The following EFNA5 variants were observed in gnomAD, a reference collection of about 807,000 sequenced individuals.
The protein encoded by EFNA5 is ephrin-A5.
EFNA5 carries 5 observed loss-of-function variants against 22.9 expected under a neutral mutation model. The observed-to-expected ratio is 0.22, with a 90% CI of 0.11 to 0.46. The LOEUF (loss-of-function observed/expected upper bound fraction) is 0.46. EFNA5 is among the 20% of genes least tolerant of loss of function. EFNA5 has a pLI of 0.99. For missense variants in EFNA5, 237 were observed against 293.3 expected, an observed-to-expected ratio of 0.81 and a Z score of 1.40; for synonymous variants, 113 against 112.2, an observed-to-expected ratio of 1.01 and a Z score of -0.04.
At chr5:107,525,687 T>A (rs1747681421) in intron 1 of EFNA5, among the ~76,000 whole-genome samples, 1 of 152,180 alleles carries the variant, frequency 6.6e-6, no homozygotes, top group Admixed American at 6.5e-5. Context: ...ATTCTCATCA[T>A]CTTCATCATG....
chr5:107,586,871 CA>C (rs1388975232), intron 1 of EFNA5, among the ~76,000 whole-genome samples: 1 of 152,124 alleles, frequency 6.6e-6, no homozygotes, highest in Non-Finnish European at 1.5e-5. Flanking sequence ...ACTGCCTTAC[CA>C]AAGAATACTT....
chr5:107,526,679 T>C (rs925985197), intron 1 of EFNA5, among the ~76,000 whole-genome samples: 3 of 152,238 alleles, frequency 2.0e-5, no homozygotes, highest in Non-Finnish European at 4.4e-5. Context: ...AAGTACATTA[T>C]TTTATTCTAA....
intron 1 of EFNA5, among the ~76,000 whole-genome samples, chr5:107,541,952 T>A (rs979516679): frequency 6.6e-6 from 1 of 152,198 alleles, no homozygotes; most frequent in Admixed American, 6.5e-5. Flanking sequence ...ATCTGTGTTG[T>A]TGAAGAATAA....
At chr5:107,549,006 G>C (rs1413606624) in intron 1 of EFNA5, among the ~76,000 whole-genome samples, 1 of 152,164 alleles carries the variant, frequency 6.6e-6, no homozygotes, top group Non-Finnish European at 1.5e-5. Context: ...TTACAATTGT[G>C]TAATTGATTT....
chr5:107,561,654 C>T (rs1748546830), intron 1 of EFNA5, among the ~76,000 whole-genome samples: 1 of 152,118 alleles, frequency 6.6e-6, no homozygotes, highest in Admixed American at 6.5e-5. Flanking sequence ...AGGTGTGAGC[C>T]ACTGCACCTG....
chr5:107,527,272 A>C (rs1747713382), intron 1 of EFNA5, among the ~76,000 whole-genome samples: 1 of 149,942 alleles, frequency 6.7e-6, no homozygotes, highest in South Asian at 2.1e-4. Flanking sequence ...CTTTTAAAAC[A>C]ACCTTTTTTT....
intron 1 of EFNA5, among the ~76,000 whole-genome samples, chr5:107,558,895 G>C (rs1369037121): frequency 6.6e-6 from 1 of 152,164 alleles, no homozygotes; most frequent in African/African-American, 2.4e-5. Flanking sequence ...TCAAAGGAAA[G>C]AGAACAAAAG....
intron 1 of EFNA5, among the ~76,000 whole-genome samples, chr5:107,485,756 T>C (rs1446821184): frequency 6.6e-6 from 1 of 152,194 alleles, no homozygotes; most frequent in African/African-American, 2.4e-5. Context: ...CAAGAAAGGA[T>C]GAAATGTTCG....
intron 1 of EFNA5, among the ~76,000 whole-genome samples, chr5:107,669,520 C>T (rs1363714315): frequency 6.6e-6 from 1 of 152,066 alleles, no homozygotes; most frequent in Admixed American, 6.5e-5. Context: ...CCCCGCCGGG[C>T]ACTCTGGATA....
In EFNA5 at chr5:107,428,984, C is replaced by T. The variant is rs370154795; in HGVS notation, c.126-1475G>A. On this transcript the variant is annotated intron_variant, in intron 1 of 4. Coordinates refer to ENST00000333274, the MANE Select transcript of EFNA5 (RefSeq NM_001962.3). Reference sequence around the variant, plus strand: ...GCAGACATTTGAAAATCTTGATTCCCTTGGTTCTTTCTAGTATAGTTCCCA... The same window carrying T: ...GCAGACATTTGAAAATCTTGATTCCTTTGGTTCTTTCTAGTATAGTTCCCA... Among the ~76,000 whole-genome samples, 7 of 152,288 alleles carry T rather than the reference C, an allele frequency of 4.6e-5. No homozygotes were observed. In the South Asian group the frequency reaches 1.5e-3, roughly 32 times the overall value.
rs1016009545 is a variant in EFNA5, at chr5:107,670,340, G to A, written c.125+149C>T. On this transcript the variant is annotated intron_variant, in intron 1 of 4. Coordinates refer to ENST00000333274, the MANE Select transcript of EFNA5 (RefSeq NM_001962.3). The stretch of plus-strand genomic sequence containing the variant: ...GAGGGGCGCGACGCGAGCGCTTCCC[G>A]CCGACGCCTCAAGCCATCAGCGCCC... 2.9e-5 allele frequency: 31 copies of A among 1,064,934 alleles called. No homozygotes were observed. The African/African-American group carries it at 4.6e-4, about 16-fold the overall frequency. The allele number at this position is 1,064,934 out of a possible 1,614,324, so 66.0% of individuals were successfully genotyped here.
intron 1 of EFNA5, among the ~76,000 whole-genome samples, chr5:107,520,263 T>A (rs1056295153): frequency 2.0e-5 from 3 of 152,202 alleles, no homozygotes; most frequent in Non-Finnish European, 2.9e-5. Flanking sequence ...ATCTGGTTTG[T>A]CACTAAAAGC....
At chr5:107,579,507 CAT>C (rs1748996933) in intron 1 of EFNA5, among the ~76,000 whole-genome samples, 2 of 150,062 alleles carry the variant, frequency 1.3e-5, no homozygotes, top group African/African-American at 4.9e-5. Context: ...CTCCAAGAAA[CAT>C]ATAGTTGTGT....
chr5:107,599,355 G>T (rs1442824439), intron 1 of EFNA5, among the ~76,000 whole-genome samples: 1 of 152,198 alleles, frequency 6.6e-6, no homozygotes. Context: ...ACAGAACAGA[G>T]ATATGCTCTG....
chr5:107,460,833 T>C (rs1749818378), intron 1 of EFNA5, among the ~76,000 whole-genome samples: 2 of 152,210 alleles, frequency 1.3e-5, no homozygotes, highest in Non-Finnish European at 2.9e-5. Flanking sequence ...TAGAGGAATA[T>C]GCCTATGTCA....
At chr5:107,574,814 G>A (rs773736791) in intron 1 of EFNA5, among the ~76,000 whole-genome samples, 1 of 152,234 alleles carries the variant, frequency 6.6e-6, no homozygotes, top group Non-Finnish European at 1.5e-5. Flanking sequence ...AATTGTGGAT[G>A]TGAATGCTTG....
At chr5:107,633,797 G>A (rs991336507) in intron 1 of EFNA5, among the ~76,000 whole-genome samples, 2 of 152,114 alleles carry the variant, frequency 1.3e-5, no homozygotes, top group African/African-American at 4.8e-5. Flanking sequence ...TGAATGAACT[G>A]TTCACAAACG....
intron 1 of EFNA5, among the ~76,000 whole-genome samples, chr5:107,446,955 G>C (rs1269866292): frequency 6.6e-6 from 1 of 152,120 alleles, no homozygotes; most frequent in Non-Finnish European, 1.5e-5. Context: ...AAACAAAACT[G>C]CCTTCCCAAA....
chr5:107,597,316 C>T (rs1444388689), intron 1 of EFNA5, among the ~76,000 whole-genome samples: 3 of 152,136 alleles, frequency 2.0e-5, no homozygotes, highest in African/African-American at 4.8e-5. Context: ...TCGTCTTGGT[C>T]AAATTTGGTT....
Sources: allele counts gnomAD v4.1 joint callset (sites outside exome capture counted in the v4.1 genomes callset), GRCh38; gene constraint gnomAD v4.1.1; transcripts MANE v1.5; gene names NCBI Gene and HGNC (gene_info 2026-07-23, HGNC 2026-07-21).